Variants in TMEM217 observed in about 807,000 individuals in gnomAD.
The protein encoded by TMEM217 is transmembrane protein 217, also known as chromosome 6 open reading frame 128.
For synonymous variants in TMEM217, 76 were observed against 88.3 expected, an observed-to-expected ratio of 0.86 and a Z score of 0.78; for missense variants, 204 against 248.8, an observed-to-expected ratio of 0.82 and a Z score of 1.21.
intron 1 of TMEM217, among the ~76,000 whole-genome samples, chr6:37,254,385 C>T (rs576444448): frequency 6.6e-6 from 1 of 152,316 alleles, no homozygotes; most frequent in African/African-American, 2.4e-5. Flanking sequence ...CCATACCTAT[C>T]AGCCCTTTGA....
intron 1 of TMEM217, among the ~76,000 whole-genome samples, chr6:37,236,323 G>A (rs770732155): frequency 2.6e-4 from 39 of 152,200 alleles, no homozygotes; most frequent in Non-Finnish European, 2.4e-4. Flanking sequence ...TTTAGGCCCT[G>A]AACTAAGCAT....
intron 1 of TMEM217, among the ~76,000 whole-genome samples, chr6:37,241,370 C>T (rs542172095): frequency 9.2e-5 from 14 of 152,220 alleles, no homozygotes; most frequent in African/African-American, 3.1e-4. Flanking sequence ...CACTCCTCAG[C>T]GGCAGAGCTC....
At chr6:37,242,562 G>A (rs1764822320) in intron 1 of TMEM217, among the ~76,000 whole-genome samples, 1 of 152,102 alleles carries the variant, frequency 6.6e-6, no homozygotes, top group Admixed American at 6.6e-5. Context: ...TGACAAACAG[G>A]GAAACCAGCC....
At chr6:37,248,696 G>A (rs1296381332) in intron 1 of TMEM217, among the ~76,000 whole-genome samples, 2 of 152,150 alleles carry the variant, frequency 1.3e-5, no homozygotes, top group East Asian at 1.9e-4. Context: ...TAAGGATGGC[G>A]AACAAGGAAC....
At position 37,246,156 on chromosome 6, in the gene TMEM217, A is replaced by G. The variant is rs149858022; in HGVS notation, c.-12+11412T>C. Among the ~76,000 whole-genome samples, 1,216 of 152,236 alleles carry G rather than the reference A, an allele frequency of 8.0e-3. 7 individuals carry two copies. The highest frequency in any genetic ancestry group is 0.011 in the Non-Finnish European group (782 of 68,020). ...TTTCTTGAAAGCGTATTCTTGGCTCACTTTTCTCTTCTACTTCTCCTCTAA... is the reference window on the plus strand; with the variant it reads ...TTTCTTGAAAGCGTATTCTTGGCTCGCTTTTCTCTTCTACTTCTCCTCTAA... On this transcript the variant is annotated intron_variant, in intron 1 of 1. Coordinates refer to ENST00000357219, the Ensembl canonical transcript of TMEM217.
intron 1 of TMEM217, among the ~76,000 whole-genome samples, chr6:37,232,164 G>A (rs970500632): frequency 1.3e-5 from 2 of 152,136 alleles, no homozygotes; most frequent in Non-Finnish European, 2.9e-5. Context: ...TTTGATTAAT[G>A]GGTACAAAAG....
chr6:37,254,870 A>AG (rs1333456256), intron 1 of TMEM217, among the ~76,000 whole-genome samples: 4 of 151,872 alleles, frequency 2.6e-5, no homozygotes, highest in African/African-American at 9.7e-5. Context: ...ATTTTGGGGG[A>AG]GGGGGGTTAA....
chr6:37,242,777 C>T (rs1223953541), intron 1 of TMEM217, among the ~76,000 whole-genome samples: 1 of 152,178 alleles, frequency 6.6e-6, no homozygotes, highest in African/African-American at 2.4e-5. Flanking sequence ...GGTGTCAGGG[C>T]TCTAGGTTGG....
chr6:37,244,844 G>A (rs1764970127), intron 1 of TMEM217, among the ~76,000 whole-genome samples: 1 of 152,180 alleles, frequency 6.6e-6, no homozygotes, highest in Non-Finnish European at 1.5e-5. Flanking sequence ...GGTTGGCCAG[G>A]CAATTTTGTT....
chr6:37,213,339 G>A (rs1319957774), downstream of TMEM217, among the ~76,000 whole-genome samples: 4 of 152,206 alleles, frequency 2.6e-5, no homozygotes, highest in Admixed American at 6.5e-5. Context: ...GGATAACGAT[G>A]GTATGAACGA....
chr6:37,239,657 T>C lies in TMEM217; in HGVS notation c.-12+17911A>G, dbSNP rs139856223. Among the ~76,000 whole-genome samples the C allele has an allele frequency of 3.4e-3, 515 of 152,298 alleles. 2 individuals carry two copies. The highest frequency in any genetic ancestry group is 0.011 in the African/African-American group (455 of 41,576). ...ATGGTAAGAACTTTTTATTTTCAAT[T>C]GCTCTCATCAAGTTGACTTGTGATC... On this transcript the variant is annotated intron_variant, in intron 1 of 1. Transcript: ENST00000357219.
chr6:37,218,142 G>T (rs1382760288), exon 2 of TMEM217: 3 of 1,115,358 alleles, frequency 2.7e-6, no homozygotes, highest in African/African-American at 1.7e-5. Flanking sequence ...CAACATGATT[G>T]CTTATAGTGG....
At position 37,235,107 on chromosome 6, in the gene TMEM217, A is replaced by G. The variant is rs139042813; in HGVS notation, c.-11-16066T>C. Among the ~76,000 whole-genome samples the G allele has an allele frequency of 3.1e-3, 472 of 152,338 alleles. 6 individuals are homozygous for G. The highest frequency in any genetic ancestry group is 0.01 in the African/African-American group (430 of 41,572). On this transcript the variant is annotated intron_variant, in intron 1 of 1. Transcript: ENST00000357219. ...GGAAGGACAGCTGGATAACTCTGTC[A>G]TAGTCTAAACCATGAGCTAAAAACA...
chr6:37,254,004 GA>G, intron 1 of TMEM217, among the ~76,000 whole-genome samples: 1 of 152,278 alleles, frequency 6.6e-6, no homozygotes, highest in East Asian at 1.9e-4. Flanking sequence ...TTGAGGGGGG[GA>G]AAGTAAAAAC....
chr6:37,231,117 G>A (rs1269689733), intron 1 of TMEM217, among the ~76,000 whole-genome samples: 5 of 151,494 alleles, frequency 3.3e-5, no homozygotes, highest in East Asian at 1.9e-4. Flanking sequence ...TGGAGTGCAG[G>A]CGCATGATCT....
intron 1 of TMEM217, among the ~76,000 whole-genome samples, chr6:37,243,883 G>T (rs751556082): frequency 2.5e-4 from 38 of 152,162 alleles, no homozygotes; most frequent in Non-Finnish European, 4.6e-4. Flanking sequence ...CCTCTGGATG[G>T]GGGGGTGCAC....
At chr6:37,255,848 A>G (rs968291828) in intron 1 of TMEM217, among the ~76,000 whole-genome samples, 3 of 152,118 alleles carry the variant, frequency 2.0e-5, no homozygotes, top group Admixed American at 2.0e-4. Context: ...AACAATCTCA[A>G]TTTCCCTATT....
At chr6:37,237,289 T>C (rs957032045) in intron 1 of TMEM217, among the ~76,000 whole-genome samples, 11 of 152,140 alleles carry the variant, frequency 7.2e-5, no homozygotes, top group African/African-American at 2.7e-4. Context: ...GACAAGAAAA[T>C]ATTCACAAGT....
chr6:37,221,760 T>G lies in TMEM217; in HGVS notation c.-11-2719A>C, dbSNP rs77139227. 6.1e-3 allele frequency among the ~76,000 whole-genome samples: 927 copies of G among 152,212 alleles called. 2 individuals carry two copies. The highest frequency in any genetic ancestry group is 9.8e-3 in the Non-Finnish European group (665 of 67,994). On this transcript the variant is annotated intron_variant, in intron 1 of 1. Coordinates refer to ENST00000357219, the Ensembl canonical transcript of TMEM217. ...TGTTCTGTGTCCAAGATGAATGAGG[T>G]ACACAGACAAGTGAAGGGTAAACAA... is the stretch of plus-strand genomic sequence containing the variant.
Sources: gnomAD v4.1 joint callset for allele counts (sites outside exome capture counted in the v4.1 genomes callset) on GRCh38, gnomAD v4.1.1 for gene constraint, MANE v1.5 for transcripts, NCBI Gene and HGNC (gene_info 2026-07-23, HGNC 2026-07-21) for gene names.